ST7: variants seen among roughly 807,000 people sequenced by gnomAD.
ST7 encodes suppression of tumorigenicity 7, also known as suppressor of tumorigenicity 7 protein.
Under a neutral mutation model 78.7 loss-of-function variants are expected in ST7, and 28 were observed. The observed-to-expected ratio is 0.36, with a 90% CI of 0.26 to 0.49. ST7 has a LOEUF of 0.49. Ranked by LOEUF, ST7 falls within the 20% of genes least tolerant of loss-of-function variation. The probability of loss-of-function intolerance (pLI) is 0.99; values close to 1 mark genes in which losing one functional copy is unlikely to be tolerated. For missense variants in ST7, 418 were observed against 696.0 expected (o/e 0.60, Z 4.49); for synonymous variants, 247 against 249.6 (o/e 0.99, Z 0.10).
chr7:116,967,536 A>G (rs1272253602), intron 1 of ST7: 3 of 374,566 alleles, frequency 8.0e-6, no homozygotes, highest in Non-Finnish European at 1.7e-5. Context: ...CAGCCTTTCC[A>G]TTCTTGAATT....
intron 1 of ST7, among the ~76,000 whole-genome samples, chr7:116,983,219 A>C (rs1794037868): frequency 6.6e-6 from 1 of 152,148 alleles, no homozygotes; most frequent in East Asian, 1.9e-4. Context: ...TTTTATATCT[A>C]GTTCTTATCT....
chr7:117,115,145 C>T (rs182512892), intron 2 of ST7, among the ~76,000 whole-genome samples: 4 of 152,230 alleles, frequency 2.6e-5, no homozygotes, highest in African/African-American at 7.2e-5. Context: ...ATTCCCAATT[C>T]CATCCCCACC....
chr7:117,076,349 C>T (rs778529630), intron 1 of ST7, among the ~76,000 whole-genome samples: 89 of 152,202 alleles, frequency 5.8e-4, no homozygotes, highest in Non-Finnish European at 1.1e-3. Flanking sequence ...TTTAGCTGAT[C>T]AGGATACCAA....
chr7:116,956,729 T>TTTTATATATC, intron 1 of ST7: 1 of 450,872 alleles, frequency 2.2e-6, no homozygotes, highest in South Asian at 1.6e-5. Context: ...TTATGGTAAA[T>TTTTATATATC]GAGCTTAACT....
chr7:117,087,035 T>C (rs1800202860), intron 1 of ST7, among the ~76,000 whole-genome samples: 1 of 152,338 alleles, frequency 6.6e-6, no homozygotes, highest in South Asian at 2.1e-4. Flanking sequence ...TTAATGCAGC[T>C]TGCAGCAGGC....
intron 1 of ST7, among the ~76,000 whole-genome samples, chr7:116,984,222 T>C (rs1435623347): frequency 6.6e-6 from 1 of 152,192 alleles, no homozygotes; most frequent in Non-Finnish European, 1.5e-5. Flanking sequence ...TGTGATAGTC[T>C]TTAAACATCC....
chr7:116,954,575 A>C, intron 1 of ST7: 1 of 152,316 alleles, frequency 6.6e-6, no homozygotes, highest in Non-Finnish European at 1.5e-5. Context: ...CGTTAAAAAA[A>C]CACCCGCAAA....
intron 9 of ST7, among the ~76,000 whole-genome samples, chr7:117,150,333 G>A (rs1806151220): frequency 1.3e-5 from 2 of 152,088 alleles, no homozygotes; most frequent in Non-Finnish European, 2.9e-5. Context: ...CTCTTTTCAT[G>A]CAGTTACCCA....
chr7:117,099,726 T>C, intron 1 of ST7, 36 bp from the exon 2 acceptor site: 1 of 1,530,130 alleles, frequency 6.5e-7, no homozygotes, highest in Non-Finnish European at 9.0e-7. Flanking sequence ...CATACATTCC[T>C]TGTTCTTCTC....
At chr7:117,153,997 A>T (rs1481319492) in intron 9 of ST7, among the ~76,000 whole-genome samples, 1 of 152,178 alleles carries the variant, frequency 6.6e-6, no homozygotes, top group Non-Finnish European at 1.5e-5. Context: ...CACTGATAGA[A>T]TGAAGTCCTG....
chr7:117,014,287 G>GAAACA (rs71833364), intron 1 of ST7, among the ~76,000 whole-genome samples: 1 of 152,122 alleles, frequency 6.6e-6, no homozygotes, highest in Non-Finnish European at 1.5e-5. Flanking sequence ...ATATGCTCAA[G>GAAACA]ATTGGCAATG....
At chr7:117,209,959 A>G in intron 13 of ST7, 22 bp downstream of exon 13, 2 of 1,601,550 alleles carry the variant, frequency 1.2e-6, no homozygotes, top group Non-Finnish European at 1.7e-6. Flanking sequence ...TCTTTTTTTG[A>G]AACATTTTTA....
chr7:117,069,209 T>G (rs1367303416), intron 1 of ST7, among the ~76,000 whole-genome samples: 1 of 152,264 alleles, frequency 6.6e-6, no homozygotes, highest in Non-Finnish European at 1.5e-5. Flanking sequence ...GATGAAAATT[T>G]AAAACTTAGT....
At chr7:116,999,131 A>G (rs996837400) in intron 1 of ST7, among the ~76,000 whole-genome samples, 2 of 152,182 alleles carry the variant, frequency 1.3e-5, no homozygotes, top group African/African-American at 4.8e-5. Context: ...TGCTTGTGCT[A>G]TATACTGCCT....
intron 12 of ST7, among the ~76,000 whole-genome samples, chr7:117,201,506 T>C (rs1439492545): frequency 6.6e-6 from 1 of 151,636 alleles, no homozygotes; most frequent in African/African-American, 2.4e-5. Flanking sequence ...ATTTCATCTC[T>C]CCTCAGCATT....
intron 9 of ST7, chr7:117,146,499 G>A (rs1359026409): frequency 2.0e-5 from 3 of 152,294 alleles, no homozygotes; most frequent in Admixed American, 6.5e-5. Flanking sequence ...GGAGTGACAT[G>A]ACCAGTCTTA....
chr7:117,011,304 C>T (rs1795374360), intron 1 of ST7, among the ~76,000 whole-genome samples: 1 of 152,176 alleles, frequency 6.6e-6, no homozygotes, highest in South Asian at 2.1e-4. Flanking sequence ...TACATCCTGG[C>T]TCCTTTGAGG....
intron 1 of ST7, among the ~76,000 whole-genome samples, chr7:117,037,750 C>G (rs924575070): frequency 2.6e-5 from 4 of 152,156 alleles, no homozygotes; most frequent in African/African-American, 7.2e-5. Flanking sequence ...GAAATTATTT[C>G]TGGATAGGAT....
intron 1 of ST7, among the ~76,000 whole-genome samples, chr7:117,012,930 T>C (rs1260445024): frequency 6.6e-6 from 1 of 152,216 alleles, no homozygotes; most frequent in Non-Finnish European, 1.5e-5. Context: ...TACTCATCTG[T>C]CCATCGGTCT....
Sources: allele counts gnomAD v4.1 joint callset (sites outside exome capture counted in the v4.1 genomes callset), GRCh38; gene constraint gnomAD v4.1.1; transcripts MANE v1.5; gene names NCBI Gene and HGNC (gene_info 2026-07-23, HGNC 2026-07-21).